Variants in GABRA2 observed in about 807,000 individuals in gnomAD.
The protein encoded by GABRA2 is gamma-aminobutyric acid type A receptor subunit alpha2.
Under a neutral mutation model 48.7 loss-of-function variants are expected in GABRA2, and 16 were observed. That is an observed-to-expected ratio of 0.33 (90% CI 0.22 to 0.50). GABRA2 has a LOEUF of 0.50. GABRA2 is among the 20% of genes least tolerant of loss of function. GABRA2 has a pLI of 0.98. For missense variants in GABRA2, 275 were observed against 535.6 expected (o/e 0.51, Z 4.80); for synonymous variants, 185 against 184.5 (o/e 1.00, Z -0.02).
rs1008032105 is a variant in GABRA2 at position 46,387,825 on chromosome 4, A to G, written c.71+811T>C. Among the ~76,000 whole-genome samples the G allele has an allele frequency of 3.9e-5, 6 of 152,282 alleles. No homozygotes were observed. The East Asian group carries it at 1.2e-3, about 29-fold the overall frequency. On this transcript the variant is annotated intron_variant, in intron 2 of 9. Transcript: ENST00000381620. ...ATAATAAAGACTTATTAGATTTTTA[A>G]AAATAAATAGTTACAAGAACATTCT...
At chr4:46,382,480 G>A (rs114199081) in intron 3 of GABRA2, among the ~76,000 whole-genome samples, 108 of 152,004 alleles carry the variant, frequency 7.1e-4, no homozygotes, top group African/African-American at 2.4e-3. Flanking sequence ...AGAAAGAGTG[G>A]GGAGAAAAAC....
chr4:46,357,942 G>A (rs1291290888), intron 3 of GABRA2, among the ~76,000 whole-genome samples: 1 of 152,020 alleles, frequency 6.6e-6, no homozygotes, highest in Non-Finnish European at 1.5e-5. Flanking sequence ...ACAGGTGTGA[G>A]CCACCGCGCC....
At chr4:46,283,854 G>C (rs1281094980) in intron 8 of GABRA2, among the ~76,000 whole-genome samples, 2 of 152,116 alleles carry the variant, frequency 1.3e-5, no homozygotes, top group East Asian at 3.9e-4. Context: ...CCGCCTCCTG[G>C]GTTCATGCCA....
chr4:46,328,878 C>G (rs1252139535), intron 4 of GABRA2, among the ~76,000 whole-genome samples: 3 of 152,130 alleles, frequency 2.0e-5, no homozygotes, highest in African/African-American at 7.2e-5. Flanking sequence ...AAACTAATAT[C>G]AACATGGAAA....
intron 4 of GABRA2, among the ~76,000 whole-genome samples, chr4:46,324,734 A>G (rs1730042670): frequency 6.6e-6 from 1 of 151,668 alleles, no homozygotes; most frequent in African/African-American, 2.4e-5. Flanking sequence ...TCTCCATCAA[A>G]TAAGCTTCAG....
chr4:46,359,335 T>C (rs1010274140), intron 3 of GABRA2, among the ~76,000 whole-genome samples: 1 of 152,186 alleles, frequency 6.6e-6, no homozygotes, highest in African/African-American at 2.4e-5. Context: ...CTAATCTTTA[T>C]AGCACTTAAG....
chr4:46,260,999 T>C (rs1008405733), intron 9 of GABRA2: 6 of 151,944 alleles, frequency 3.9e-5, no homozygotes, highest in African/African-American at 7.2e-5. Flanking sequence ...TGCAAGTATG[T>C]TAATCCAAAT....
At chr4:46,384,194 C>T (rs894618739) in intron 3 of GABRA2, among the ~76,000 whole-genome samples, 7 of 152,108 alleles carry the variant, frequency 4.6e-5, no homozygotes, top group African/African-American at 1.4e-4. Flanking sequence ...CCCTCGCCAC[C>T]ATCTACCAAA....
intron 3 of GABRA2, among the ~76,000 whole-genome samples, chr4:46,342,361 CCA>C: frequency 6.6e-6 from 1 of 152,050 alleles, no homozygotes; most frequent in East Asian, 1.9e-4. Context: ...AAGTATTTTT[CCA>C]CAGTCTCTTA....
At chr4:46,363,619 T>G (rs548415390) in intron 3 of GABRA2, 6 of 152,200 alleles carry the variant, frequency 3.9e-5, no homozygotes, top group Non-Finnish European at 7.3e-5. Context: ...ATATAAAATC[T>G]AAGGTATAAT....
rs564049740 is a variant in GABRA2, at chr4:46,283,678, C to A, written c.856+19782G>T. On this transcript the variant is annotated intron_variant, in intron 8 of 9. Transcript: ENST00000381620. Reference sequence around the variant, plus strand: ...AATGTACCTTGAATTCTGTATGAAACGAAATGCATTTGAACTCTCTGTACT... The same window carrying A: ...AATGTACCTTGAATTCTGTATGAAAAGAAATGCATTTGAACTCTCTGTACT... 2.0e-5 allele frequency among the ~76,000 whole-genome samples: 3 copies of A among 152,130 alleles called. No homozygotes were observed. In the South Asian group the frequency reaches 6.2e-4, roughly 32 times the overall value.
At chr4:46,261,696 T>C (rs1717012768) in intron 9 of GABRA2, 2 of 601,508 alleles carry the variant, frequency 3.3e-6, no homozygotes, top group Non-Finnish European at 5.9e-6. Flanking sequence ...CTTAGCACAG[T>C]GCCTGACACA....
At chr4:46,297,476 C>CATATATATATACATATAT (rs1724940540) in intron 8 of GABRA2, among the ~76,000 whole-genome samples, 2 of 87,886 alleles carry the variant, frequency 2.3e-5, no homozygotes, top group African/African-American at 9.8e-5. Context: ...AATAAAATCC[C>CATATATATATACATATAT]ATATATATAT....
intron 4 of GABRA2, among the ~76,000 whole-genome samples, chr4:46,327,872 T>C (rs1730658084): frequency 6.6e-6 from 1 of 152,010 alleles, no homozygotes; most frequent in South Asian, 2.1e-4. Context: ...GTTTTCACTG[T>C]CCAAGCTCTA....
intron 4 of GABRA2, among the ~76,000 whole-genome samples, chr4:46,317,856 AT>A (rs1180476995): frequency 6.6e-6 from 1 of 151,832 alleles, no homozygotes; most frequent in Non-Finnish European, 1.5e-5. Context: ...GTTTATAAAA[AT>A]AAGTTTCATC....
Position 46,389,780 on chromosome 4 carries a change from T to C in GABRA2, c.-56A>G. On this transcript the variant is annotated 5_prime_UTR_variant, in exon 1 of 10. Transcript: ENST00000381620. ...CGGTGTTTTCTTCCTTTTGCCCTGA[T>C]CTTGACGAGATAGGAAACTTGGGAG... 1.0e-6 allele frequency: 1 copy of C among 965,938 alleles called. No homozygotes were observed. The highest frequency in any genetic ancestry group is 1.2e-6 in the Non-Finnish European group (1 of 826,386). 59.8% of individuals were successfully genotyped at this position (965,938 alleles called of 1,614,324 possible). A position where few individuals can be genotyped will look rare whatever the true frequency, so the allele number is the denominator to read the frequency against.
At chr4:46,319,562 A>G (rs1451944441) in intron 4 of GABRA2, among the ~76,000 whole-genome samples, 1 of 151,810 alleles carries the variant, frequency 6.6e-6, no homozygotes, top group African/African-American at 2.4e-5. Flanking sequence ...TTGCATTGCA[A>G]AAATTGCAAA....
intron 9 of GABRA2, chr4:46,260,823 T>C (rs1716810917): frequency 6.6e-6 from 1 of 151,904 alleles, no homozygotes; most frequent in Non-Finnish European, 1.5e-5. Context: ...ACACAACTTA[T>C]AAAATGAAAT....
chr4:46,259,438 G>A (rs1354296431), intron 9 of GABRA2, among the ~76,000 whole-genome samples: 1 of 151,766 alleles, frequency 6.6e-6, no homozygotes, highest in Non-Finnish European at 1.5e-5. Context: ...TTTTAATATA[G>A]GGCTCAAATG....
Sources: gnomAD v4.1 joint callset for allele counts (sites outside exome capture counted in the v4.1 genomes callset) on GRCh38, gnomAD v4.1.1 for gene constraint, MANE v1.5 for transcripts, NCBI Gene and HGNC (gene_info 2026-07-23, HGNC 2026-07-21) for gene names.